Variants in MSANTD7 observed in about 807,000 individuals in gnomAD.
MSANTD7 encodes zinc finger and SCAN domain containing 29.
chr10:14,843,988 G>C, the MSANTD7 span: 1 of 1,477,006 alleles, frequency 6.8e-7, no homozygotes, highest in Non-Finnish European at 8.9e-7. Flanking sequence ...TGTGTCCTCA[G>C]AAAAAAACAT....
chr10:14,846,487 A>G, the MSANTD7 span: 15 of 985,320 alleles, frequency 1.5e-5, no homozygotes, highest in African/African-American at 1.0e-4. Flanking sequence ...GGCTAAAAAT[A>G]TTAAGGGGAG....
chr10:14,842,661 T>C, the MSANTD7 span: 1 of 1,536,234 alleles, frequency 6.5e-7, no homozygotes, highest in East Asian at 2.4e-5. The surrounding 1 kb of genome is among the most constrained non-coding windows in gnomAD (Gnocchi z 5.2). Flanking sequence ...CAGAACTTAG[T>C]GGCCTCTGAC....
the MSANTD7 span, chr10:14,840,162 G>A: frequency 7.5e-7 from 1 of 1,325,240 alleles, no homozygotes; most frequent in African/African-American, 1.5e-5. Context: ...CAGAAGGTAT[G>A]GAATCAAATG....
chr10:14,838,481 C>T, the MSANTD7 span: 1 of 1,587,620 alleles, frequency 6.3e-7, no homozygotes, highest in Non-Finnish European at 8.6e-7. Flanking sequence ...CGGAGCTGGG[C>T]TAGGGCTTCA....
the MSANTD7 span, chr10:14,838,644 A>T: frequency 1.7e-6 from 1 of 576,984 alleles, no homozygotes; most frequent in African/African-American, 2.0e-5. Context: ...ATTCCTCCGG[A>T]AAGTCGTCTA....
chr10:14,844,740 T>C, the MSANTD7 span: 1 of 967,798 alleles, frequency 1.0e-6, no homozygotes, highest in African/African-American at 1.8e-5. Flanking sequence ...GTAAATTCTT[T>C]GCATTTCATA....
chr10:14,841,935 T>C, the MSANTD7 span, among the ~76,000 whole-genome samples: 1,389 of 152,338 alleles, frequency 9.1e-3, 21 homozygotes, highest in African/African-American at 0.031. Flanking sequence ...CTCTCAGCCA[T>C]GAAAGCATTT....
the MSANTD7 span, chr10:14,840,094 A>G: frequency 6.9e-7 from 1 of 1,454,224 alleles, no homozygotes; most frequent in Non-Finnish European, 9.2e-7. Context: ...TTGGCAGCAA[A>G]ACAAAGTAGA....
At chr10:14,838,855 C>T in the MSANTD7 span, among the ~76,000 whole-genome samples, 1 of 152,128 alleles carries the variant, frequency 6.6e-6, no homozygotes, top group African/African-American at 2.4e-5. Context: ...CGGGGACGTC[C>T]TGGCCTCTGG....
At chr10:14,840,758 G>A in the MSANTD7 span, among the ~76,000 whole-genome samples, 2 of 152,106 alleles carry the variant, frequency 1.3e-5, no homozygotes, top group Non-Finnish European at 2.9e-5. Context: ...AATAATTAGG[G>A]GTTTTCATTT....
At chr10:14,846,261 C>T in the MSANTD7 span, 1 of 985,308 alleles carries the variant, frequency 1.0e-6, no homozygotes, top group Non-Finnish European at 1.2e-6. Flanking sequence ...TCTGGAAACA[C>T]AGAAGTACTT....
the MSANTD7 span, among the ~76,000 whole-genome samples, chr10:14,840,759 G>T: frequency 1.3e-5 from 2 of 152,168 alleles, no homozygotes; most frequent in Non-Finnish European, 2.9e-5. Flanking sequence ...ATAATTAGGG[G>T]TTTTCATTTT....
chr10:14,841,888 G>A, the MSANTD7 span, among the ~76,000 whole-genome samples: 1 of 152,172 alleles, frequency 6.6e-6, no homozygotes, highest in African/African-American at 2.4e-5. Flanking sequence ...CTACTCACCA[G>A]ACAAGGGTGA....
the MSANTD7 span, chr10:14,845,024 T>C: frequency 2.0e-6 from 2 of 985,476 alleles, no homozygotes; most frequent in Non-Finnish European, 1.2e-6. Context: ...TTGTTTCCTC[T>C]TTAACTTTGG....
At chr10:14,839,247 C>A in the MSANTD7 span, among the ~76,000 whole-genome samples, 1 of 152,136 alleles carries the variant, frequency 6.6e-6, no homozygotes, top group East Asian at 1.9e-4. Flanking sequence ...TTAGGAAAAG[C>A]CAAAGGGAAT....
chr10:14,839,839 TG>T, the MSANTD7 span: 1 of 1,149,134 alleles, frequency 8.7e-7, no homozygotes, highest in South Asian at 1.5e-5. Context: ...AAAGTAACAC[TG>T]GTGCACAAAT....
the MSANTD7 span, chr10:14,846,633 A>G: frequency 1.1e-6 from 1 of 951,144 alleles, no homozygotes; most frequent in Non-Finnish European, 1.3e-6. Context: ...CCTCATTTAT[A>G]AAGTGGGAAA....
At chr10:14,842,488 T>C in the MSANTD7 span, 1 of 1,536,122 alleles carries the variant, frequency 6.5e-7, no homozygotes, top group Non-Finnish European at 8.7e-7. This position sits in a 1 kb window ranked among gnomAD's most constrained non-coding sequence, Gnocchi z 5.2. Flanking sequence ...AGTTTAAAGT[T>C]CTGAAGGCAT....
the MSANTD7 span, chr10:14,840,130 T>C: frequency 6.8e-7 from 1 of 1,473,154 alleles, no homozygotes. Flanking sequence ...AATACAGTAA[T>C]GAAAGTAAAG....
Sources: allele counts gnomAD v4.1 joint callset (sites outside exome capture counted in the v4.1 genomes callset), GRCh38; gene constraint gnomAD v4.1.1; non-coding constraint Gnocchi (gnomAD v3.1); transcripts MANE v1.5; gene names NCBI Gene and HGNC (gene_info 2026-07-23, HGNC 2026-07-21).